TM4SF19: variants seen among roughly 807,000 people sequenced by gnomAD.
TM4SF19 encodes the protein transmembrane 4 L six family member 19.
Under a neutral mutation model 21.8 loss-of-function variants are expected in TM4SF19, and 17 were observed. The ratio of observed to expected loss-of-function variants is 0.78; its 90% CI spans 0.53 to 1.17. The LOEUF is 1.17. TM4SF19 is among the 50% of genes most tolerant of loss of function. TM4SF19 has a pLI of 0.00. For synonymous variants in TM4SF19, 107 were observed against 106.7 expected, an observed-to-expected ratio of 1.00 and a Z score of -0.02; for missense variants, 216 against 252.1, an observed-to-expected ratio of 0.86 and a Z score of 0.97.
In TM4SF19 at chr3:196,326,902, G is replaced by A. The variant is rs913183821; in HGVS notation, c.279+53C>T. The A allele has an allele frequency of 3.6e-4, 538 of 1,489,840 alleles. 3 individuals carry two copies. The highest frequency in any genetic ancestry group is 9.6e-5 in the Non-Finnish European group (103 of 1,072,754). The allele number at this position is 1,489,840 out of a possible 1,614,324, so 92.3% of individuals were successfully genotyped here. On this transcript the variant is annotated intron_variant, in intron 3 of 4. Transcript: ENST00000273695. ...GCCTCTTTACCGCCCTGCCTCTAGA[G>A]TAATAGAGGTGGAGACATTCTGGGT...
intron 3 of TM4SF19, 107 bp downstream of exon 3, chr3:196,326,848 A>G: frequency 1.3e-6 from 1 of 741,368 alleles, no homozygotes; most frequent in Non-Finnish European, 2.3e-6. Context: ...CACAGTGAGG[A>G]CCTGACTTCA....
At chr3:196,330,860 C>G (rs1213939684) in intron 1 of TM4SF19, among the ~76,000 whole-genome samples, 1 of 152,074 alleles carries the variant, frequency 6.6e-6, no homozygotes, top group Non-Finnish European at 1.5e-5. Flanking sequence ...AACTATATAT[C>G]AATAAAGCTA....
At chr3:196,324,471 A>ACGGGGT in intron 3 of TM4SF19, 31 bp from the exon 4 acceptor site, 1 of 1,611,240 alleles carries the variant, frequency 6.2e-7, no homozygotes, top group Non-Finnish European at 8.5e-7. Flanking sequence ...CTGAGCTAAG[A>ACGGGGT]CGGGGTCGCA....
rs528556680 is a variant in TM4SF19, at chr3:196,336,145, G to GT, written c.-2+2118dup. ...TGTTTTTGTTTTTGTTTTGTTTTTT[G>GT]TTTTTTTTTTGAGACAGAGTTTCAC... On this transcript the variant is annotated intron_variant, in intron 1 of 4. Transcript: ENST00000273695. Among the ~76,000 whole-genome samples the GT allele has an allele frequency of 5.8e-3, 858 of 147,280 alleles. 13 individuals carry two copies. Among genetic ancestry groups the GT allele is most frequent in the South Asian group, 0.026 (119 of 4,606 alleles).
At chr3:196,328,823 C>T (rs1040097080) in intron 1 of TM4SF19, among the ~76,000 whole-genome samples, 4 of 152,150 alleles carry the variant, frequency 2.6e-5, no homozygotes, top group Admixed American at 2.0e-4. Context: ...AGAACTTACG[C>T]CATGTGATTT....
rs1727212381 is a variant in TM4SF19, at chr3:196,324,599, TCATGGGGGAGAATTCTGTCCATGG to T, written c.280-183_280-160del. 1.0e-5 allele frequency: 7 copies of T among 683,974 alleles called. No homozygotes were observed. The South Asian group carries it at 1.4e-4, about 13-fold the overall frequency. The allele number at this position is 683,974 out of a possible 1,614,324, so 42.4% of individuals were successfully genotyped here. A position where few individuals can be genotyped will look rare whatever the true frequency, so the allele number is the denominator to read the frequency against. Reference sequence around the variant, plus strand: ...CTGGTCTCAGTGTTCTTCCGTCCTGTCATGGGGGAGAATTCTGTCCATGGCACCCCCTTTGAAGCATAACCCATG... The same window carrying T: ...CTGGTCTCAGTGTTCTTCCGTCCTGTCACCCCCTTTGAAGCATAACCCATG... On this transcript the variant is annotated intron_variant, in intron 3 of 4. Transcript: ENST00000273695.
At chr3:196,330,478 T>C (rs368124850) in intron 1 of TM4SF19, among the ~76,000 whole-genome samples, 5 of 152,188 alleles carry the variant, frequency 3.3e-5, no homozygotes, top group Admixed American at 1.3e-4. Flanking sequence ...CAGTAATCAA[T>C]AGGTGAATCA....
intron 1 of TM4SF19, among the ~76,000 whole-genome samples, chr3:196,334,610 T>A (rs573173371): frequency 1.3e-5 from 2 of 152,030 alleles, no homozygotes; most frequent in Admixed American, 1.3e-4. Flanking sequence ...CACACCACCA[T>A]GCCCGGCTAA....
At chr3:196,337,149 C>T (rs765466503) in intron 1 of TM4SF19, among the ~76,000 whole-genome samples, 19 of 150,230 alleles carry the variant, frequency 1.3e-4, no homozygotes, top group Non-Finnish European at 2.1e-4. Flanking sequence ...GCAACCTCCG[C>T]CTCTCGGGTT....
rs1414563688 is a variant in TM4SF19, at chr3:196,325,162, C to A, written c.280-722G>T. The A allele has an allele frequency of 6.6e-6, 1 of 152,258 alleles. No individual in the cohort carries two copies. Among genetic ancestry groups the A allele is most frequent in the Non-Finnish European group, 1.5e-5 (1 of 68,098 alleles). 9.4% of individuals were successfully genotyped at this position (152,258 alleles called of 1,614,324 possible). On this transcript the variant is annotated intron_variant, in intron 3 of 4. Transcript: ENST00000273695. This position sits in a 1 kb window ranked among gnomAD's most constrained non-coding sequence, Gnocchi z 4.3. Reference sequence around the variant, plus strand: ...TTCTAGCCTGCTTCTACATTGGCTTCTTTCTCGTTCCTTCCTTCCTTCCCT... The same window carrying A: ...TTCTAGCCTGCTTCTACATTGGCTTATTTCTCGTTCCTTCCTTCCTTCCCT...
chr3:196,337,051 C>CTTTTTTTT (rs35897935), intron 1 of TM4SF19, among the ~76,000 whole-genome samples: 14 of 67,842 alleles, frequency 2.1e-4, no homozygotes, highest in Non-Finnish European at 3.3e-4. Flanking sequence ...AAAAGCAATT[C>CTTTTTTTT]TTTTTTTTTT....
At chr3:196,336,328 G>C (rs1324154965) in intron 1 of TM4SF19, among the ~76,000 whole-genome samples, 1 of 152,022 alleles carries the variant, frequency 6.6e-6, no homozygotes, top group Non-Finnish European at 1.5e-5. Flanking sequence ...AGTAGAGATG[G>C]GGTTTCTCCA....
chr3:196,336,963 G>T (rs1240939110), intron 1 of TM4SF19, among the ~76,000 whole-genome samples: 3 of 152,032 alleles, frequency 2.0e-5, no homozygotes, highest in African/African-American at 7.2e-5. Flanking sequence ...CACTTGGGGG[G>T]CTAGGGATAT....
In TM4SF19 at chr3:196,325,820, C is replaced by T. The variant is rs982017358; in HGVS notation, c.279+1135G>A. On this transcript the variant is annotated intron_variant, in intron 3 of 4. Transcript: ENST00000273695. The surrounding 1 kb of genome is among the most constrained non-coding windows in gnomAD (Gnocchi z 4.3). ...TCCCCGCCATCCTGAATCAGAAACTCTGGGGAGGGAGCCCAGCAATCCGTG... is the reference window on the plus strand; with the variant it reads ...TCCCCGCCATCCTGAATCAGAAACTTTGGGGAGGGAGCCCAGCAATCCGTG... Among the ~76,000 whole-genome samples the T allele has an allele frequency of 1.3e-5, 2 of 152,316 alleles. No individual in the cohort carries two copies. Among genetic ancestry groups the T allele is most frequent in the African/African-American group, 4.8e-5 (2 of 41,578 alleles).
chr3:196,327,387 T>C lies in TM4SF19; in HGVS notation c.201+3A>G. On this transcript the variant is annotated splice_donor_region_variant and intron_variant, in intron 2 of 4. Transcript: ENST00000273695. ...TCACGTTCAGGGAACCCCGGACACT[T>C]ACCATGAGGCCTCCTCCCCAGAGCC... 1 of 1,613,554 alleles carries C rather than the reference T, an allele frequency of 6.2e-7. No individual in the cohort carries two copies. The highest frequency in any genetic ancestry group is 2.2e-5 in the East Asian group (1 of 44,858).
chr3:196,336,374 G>A (rs960131291), intron 1 of TM4SF19, among the ~76,000 whole-genome samples: 2 of 152,162 alleles, frequency 1.3e-5, no homozygotes, highest in African/African-American at 4.8e-5. Flanking sequence ...CTGACCTCAG[G>A]TGATTCACCT....
At chr3:196,326,824 G>A (rs974845162) in intron 3 of TM4SF19, 131 bp downstream of exon 3, 4 of 600,492 alleles carry the variant, frequency 6.7e-6, no homozygotes, top group Non-Finnish European at 1.2e-5. Context: ...CAAGAACTTA[G>A]CGTTACTGAG....
At chr3:196,329,105 G>T (rs368256182) in intron 1 of TM4SF19, among the ~76,000 whole-genome samples, 1 of 127,220 alleles carries the variant, frequency 7.9e-6, no homozygotes, top group Non-Finnish European at 1.7e-5. Context: ...CACCATGCCC[G>T]GTAATTTTTT....
intron 1 of TM4SF19, among the ~76,000 whole-genome samples, chr3:196,333,898 T>C (rs1213244405): frequency 2.0e-5 from 3 of 152,062 alleles, no homozygotes; most frequent in Non-Finnish European, 4.4e-5. Context: ...TCATCTCTAC[T>C]AAAAATACAA....
Sources: gnomAD v4.1 joint callset for allele counts (sites outside exome capture counted in the v4.1 genomes callset) on GRCh38, gnomAD v4.1.1 for gene constraint, Gnocchi (gnomAD v3.1) non-coding constraint, MANE v1.5 for transcripts, NCBI Gene and HGNC (gene_info 2026-07-23, HGNC 2026-07-21) for gene names.